Variants in MITF observed in about 807,000 individuals in gnomAD.
The protein encoded by MITF is melanocyte inducing transcription factor.
Under a neutral mutation model 60.5 loss-of-function variants are expected in MITF, and 17 were observed. The ratio of observed to expected loss-of-function variants is 0.28; its 90% CI spans 0.19 to 0.42. The LOEUF (loss-of-function observed/expected upper bound fraction) is 0.42, where lower values mean the gene tolerates loss of function less well. Among genes scored for constraint, MITF ranks in the 10% least tolerant of loss-of-function variants. The pLI, the probability that MITF is intolerant of heterozygous loss-of-function variation, is 1.00. For missense variants in MITF, 622 were observed against 683.5 expected, an observed-to-expected ratio of 0.91 and a Z score of 1.00; for synonymous variants, 260 against 248.5, an observed-to-expected ratio of 1.05 and a Z score of -0.43.
chr3:69,837,622 GTATCT>G (rs2063559870), intron 1 of MITF, among the ~76,000 whole-genome samples: 1 of 152,164 alleles, frequency 6.6e-6, no homozygotes, highest in South Asian at 2.1e-4. Flanking sequence ...TAGGTCTGAA[GTATCT>G]TATCTTCAAA....
At chr3:69,830,418 A>T (rs544707088) in intron 1 of MITF, among the ~76,000 whole-genome samples, 1 of 152,176 alleles carries the variant, frequency 6.6e-6, no homozygotes, top group East Asian at 1.9e-4. Context: ...CTTTGCTCAG[A>T]TGTCATCCTC....
intron 5 of MITF, among the ~76,000 whole-genome samples, chr3:69,945,715 G>A (rs993895268): frequency 3.6e-4 from 55 of 152,284 alleles, no homozygotes; most frequent in African/African-American, 1.3e-3. Context: ...CTTTGTGGTG[G>A]GAGACTGTCC....
intron 5 of MITF, among the ~76,000 whole-genome samples, chr3:69,943,952 G>A (rs1034757955): frequency 2.0e-5 from 3 of 152,018 alleles, no homozygotes; most frequent in Admixed American, 1.3e-4. Context: ...TTAGCTGGGT[G>A]GGGTAGTAGT....
intron 1 of MITF, among the ~76,000 whole-genome samples, chr3:69,842,430 G>A (rs1480919620): frequency 6.6e-6 from 1 of 152,192 alleles, no homozygotes; most frequent in Non-Finnish European, 1.5e-5. Flanking sequence ...CCTGGATTTT[G>A]CTTGTAGAAG....
intron 1 of MITF, among the ~76,000 whole-genome samples, chr3:69,767,122 T>G (rs888030464): frequency 1.3e-5 from 2 of 152,176 alleles, no homozygotes; most frequent in Admixed American, 6.5e-5. Context: ...ATAATTAGAT[T>G]AGCAGAGTTT....
intron 1 of MITF, among the ~76,000 whole-genome samples, chr3:69,840,254 G>T (rs1485299404): frequency 6.6e-6 from 1 of 152,150 alleles, no homozygotes; most frequent in African/African-American, 2.4e-5. Flanking sequence ...CTTCTCAAAA[G>T]GCTGTGCCAG....
At chr3:69,958,124 C>T (rs989575481) in intron 8 of MITF, among the ~76,000 whole-genome samples, 1 of 152,190 alleles carries the variant, frequency 6.6e-6, no homozygotes, top group African/African-American at 2.4e-5. Flanking sequence ...CACAAGGAAG[C>T]AAAACCCAAG....
chr3:69,908,707 A>T (rs542575485), intron 2 of MITF, among the ~76,000 whole-genome samples: 1 of 152,208 alleles, frequency 6.6e-6, no homozygotes, highest in Non-Finnish European at 1.5e-5. Flanking sequence ...GGCAAAATGC[A>T]TCAGAAGCTT....
chr3:69,845,060 G>A (rs967404535), intron 1 of MITF, among the ~76,000 whole-genome samples: 1 of 152,072 alleles, frequency 6.6e-6, no homozygotes, highest in East Asian at 1.9e-4. Flanking sequence ...TCTAGAAAAC[G>A]TGCAGGCTTT....
intron 1 of MITF, among the ~76,000 whole-genome samples, chr3:69,829,944 C>T (rs983501963): frequency 6.6e-6 from 1 of 152,288 alleles, no homozygotes; most frequent in East Asian, 1.9e-4. Flanking sequence ...CCTTAGAATT[C>T]ACTGCCACGT....
intron 1 of MITF, among the ~76,000 whole-genome samples, chr3:69,815,793 T>C (rs1475083163): frequency 6.6e-6 from 1 of 152,186 alleles, no homozygotes; most frequent in East Asian, 1.9e-4. Context: ...GTGAATGTTA[T>C]GCTGTGTGTC....
chr3:69,863,985 A>T (rs543837390), intron 1 of MITF, among the ~76,000 whole-genome samples: 1 of 152,072 alleles, frequency 6.6e-6, no homozygotes, highest in African/African-American at 2.4e-5. Context: ...CATTTCTCTT[A>T]GTTCTCTAGA....
chr3:69,886,665 C>T (rs886851254), intron 2 of MITF, among the ~76,000 whole-genome samples: 2 of 151,964 alleles, frequency 1.3e-5, no homozygotes, highest in African/African-American at 4.8e-5. Context: ...AAGGGGCTTC[C>T]CTATTGAATA....
intron 9 of MITF, 141 bp downstream of exon 9, chr3:69,959,561 G>C: frequency 8.7e-7 from 1 of 1,151,566 alleles, no homozygotes; most frequent in Non-Finnish European, 1.3e-6. Flanking sequence ...TTCTGTGTGT[G>C]TGAATTTGCC....
chr3:69,797,464 T>C (rs1052911046), intron 1 of MITF, among the ~76,000 whole-genome samples: 1 of 152,232 alleles, frequency 6.6e-6, no homozygotes, highest in Non-Finnish European at 1.5e-5. Flanking sequence ...AAAGATTTTC[T>C]ATTTTGGTGG....
chr3:69,956,416 A>G (rs2107529834), intron 7 of MITF, 39 bp from the exon 8 acceptor site: 1 of 1,502,752 alleles, frequency 6.7e-7, no homozygotes, highest in South Asian at 1.1e-5. Context: ...CATACATGGC[A>G]CTGTTACTAA....
intron 1 of MITF, among the ~76,000 whole-genome samples, chr3:69,767,044 A>G (rs191329392): frequency 2.0e-5 from 3 of 152,342 alleles, no homozygotes; most frequent in Admixed American, 2.0e-4. Flanking sequence ...TTTAGCAGAT[A>G]TATTAATAGA....
chr3:69,824,749 G>A (rs989494804), intron 1 of MITF, among the ~76,000 whole-genome samples: 2 of 152,142 alleles, frequency 1.3e-5, no homozygotes, highest in Non-Finnish European at 1.5e-5. Context: ...GGCCACAGCC[G>A]CACCTGGTAG....
At chr3:69,945,104 A>C (rs1289437205) in intron 5 of MITF, among the ~76,000 whole-genome samples, 1 of 152,168 alleles carries the variant, frequency 6.6e-6, no homozygotes, top group Non-Finnish European at 1.5e-5. Flanking sequence ...ACAAACAAAG[A>C]ATAAAAGTCC....
Sources: allele counts gnomAD v4.1 joint callset (sites outside exome capture counted in the v4.1 genomes callset), GRCh38; gene constraint gnomAD v4.1.1; transcripts MANE v1.5; gene names NCBI Gene and HGNC (gene_info 2026-07-23, HGNC 2026-07-21).